The following SFMBT1 variants were observed in gnomAD, a reference collection of about 807,000 sequenced individuals.
SFMBT1 encodes Scm like with four mbt domains 1.
SFMBT1 carries 32 observed loss-of-function variants against 108.7 expected under a neutral mutation model. That is an observed-to-expected ratio of 0.29 (90% confidence interval 0.22 to 0.40). The LOEUF is 0.40. SFMBT1 is among the 10% of genes least tolerant of loss of function. The pLI is 1.00. For synonymous variants in SFMBT1, 348 were observed against 369.5 expected (o/e 0.94, Z 0.67); for missense variants, 816 against 1,059.6 (o/e 0.77, Z 3.19).
intron 3 of SFMBT1, among the ~76,000 whole-genome samples, chr3:52,952,295 G>C (rs931077493): frequency 2.0e-5 from 3 of 152,156 alleles, no homozygotes; most frequent in Non-Finnish European, 4.4e-5. Flanking sequence ...AGCATATAAA[G>C]ACAACAGCTA....
Position 52,998,206 on chromosome 3 carries a change from C to A in SFMBT1, c.-130-28948G>T, listed in dbSNP as rs540998540. ...CAAGACGGGCAGATCACGAGGCCAA[C>A]ACGGAGAAACCCCGTCTCTACTAAA... is the stretch of plus-strand genomic sequence containing the variant. On this transcript the variant is annotated intron_variant, in intron 1 of 20. Coordinates refer to ENST00000394752, the MANE Select transcript of SFMBT1 (RefSeq NM_016329.4). Among the ~76,000 whole-genome samples the A allele has an allele frequency of 7.7e-4, 116 of 149,994 alleles. 5 individuals carry two copies. Among genetic ancestry groups the A allele is most frequent in the African/African-American group, 2.6e-3 (107 of 41,352 alleles).
At chr3:52,909,052 T>G (rs1702151149) in intron 17 of SFMBT1, among the ~76,000 whole-genome samples, 1 of 152,216 alleles carries the variant, frequency 6.6e-6, no homozygotes, top group Non-Finnish European at 1.5e-5. Context: ...TCTAGCTGAG[T>G]TATGTATTAA....
intron 13 of SFMBT1, among the ~76,000 whole-genome samples, chr3:52,916,875 T>TA (rs1702374730): frequency 6.6e-6 from 1 of 152,162 alleles, no homozygotes; most frequent in Admixed American, 6.5e-5. Context: ...AAATCACAAA[T>TA]AAACTACTCA....
chr3:53,035,894 G>A (rs1029536840), intron 1 of SFMBT1, among the ~76,000 whole-genome samples: 2 of 152,198 alleles, frequency 1.3e-5, no homozygotes, highest in African/African-American at 4.8e-5. Context: ...CACCCGGCCA[G>A]AGACGTAAGT....
intron 1 of SFMBT1, among the ~76,000 whole-genome samples, chr3:52,983,363 G>A (rs1342004812): frequency 6.6e-6 from 1 of 152,192 alleles, no homozygotes; most frequent in African/African-American, 2.4e-5. Context: ...TAAAATACGT[G>A]TTGATTGACT....
At chr3:52,917,844 C>G (rs1251729341) in intron 13 of SFMBT1, among the ~76,000 whole-genome samples, 1 of 152,164 alleles carries the variant, frequency 6.6e-6, no homozygotes, top group Non-Finnish European at 1.5e-5. Flanking sequence ...CTGTCTTCCA[C>G]GAAACCGGTC....
intron 1 of SFMBT1, among the ~76,000 whole-genome samples, chr3:53,003,403 A>G (rs1314994962): frequency 6.7e-6 from 1 of 150,100 alleles, no homozygotes; most frequent in Non-Finnish European, 1.5e-5. Flanking sequence ...ATGAAATAAT[A>G]CTTGAGATTT....
At chr3:52,912,719 T>C (rs1022747571) in intron 15 of SFMBT1, 72 bp from the exon 16 acceptor site, 9 of 1,084,834 alleles carry the variant, frequency 8.3e-6, no homozygotes, top group African/African-American at 1.6e-5. Flanking sequence ...TTGTCATCTC[T>C]TCCTTAAAAT....
intron 1 of SFMBT1, among the ~76,000 whole-genome samples, chr3:53,017,566 C>A (rs921935934): frequency 1.3e-5 from 2 of 152,128 alleles, no homozygotes; most frequent in Non-Finnish European, 2.9e-5. Context: ...GTAAAGGAAA[C>A]CTTCCTCCAA....
intron 4 of SFMBT1, among the ~76,000 whole-genome samples, chr3:52,938,385 C>G (rs969338611): frequency 2.0e-4 from 31 of 152,058 alleles, no homozygotes; most frequent in African/African-American, 6.3e-4. Context: ...CCCGTTTACA[C>G]ATATAGTTTC....
At chr3:52,993,369 T>C (rs1470358940) in intron 1 of SFMBT1, among the ~76,000 whole-genome samples, 1 of 150,280 alleles carries the variant, frequency 6.7e-6, no homozygotes, top group Non-Finnish European at 1.5e-5. Context: ...ACTTCAAAAT[T>C]TGACCTATAT....
intron 1 of SFMBT1, among the ~76,000 whole-genome samples, chr3:52,982,622 A>G (rs145409679): frequency 0.039 from 5,813 of 150,792 alleles, 175 homozygotes; most frequent in Middle Eastern, 0.075. Context: ...CCAGCTACTC[A>G]GGAGGCTAAG....
intron 4 of SFMBT1, among the ~76,000 whole-genome samples, chr3:52,942,411 T>C (rs1287295585): frequency 6.6e-6 from 1 of 152,200 alleles, no homozygotes; most frequent in East Asian, 1.9e-4. Context: ...TTGGAAACAC[T>C]TGGCAAAAAG....
At chr3:52,929,429 G>T (rs1702789818) in intron 8 of SFMBT1, among the ~76,000 whole-genome samples, 1 of 152,158 alleles carries the variant, frequency 6.6e-6, no homozygotes, top group Non-Finnish European at 1.5e-5. Context: ...AGTAGAGATG[G>T]GGTTTCTCCA....
chr3:53,014,086 A>C (rs761953607), intron 1 of SFMBT1, among the ~76,000 whole-genome samples: 14 of 152,214 alleles, frequency 9.2e-5, no homozygotes, highest in Non-Finnish European at 1.6e-4. Context: ...AAGAGACTCA[A>C]AGAAGTTATT....
intron 3 of SFMBT1, among the ~76,000 whole-genome samples, chr3:52,947,601 T>C (rs531291794): frequency 1.3e-5 from 2 of 152,318 alleles, no homozygotes; most frequent in Admixed American, 1.3e-4. Flanking sequence ...GCATCAGTTC[T>C]TTGACAGTTG....
chr3:52,950,039 GA>G lies in SFMBT1; in HGVS notation c.123+4277del, dbSNP rs377309958. Among the ~76,000 whole-genome samples the G allele has an allele frequency of 6.5e-3, 992 of 152,130 alleles. 93 individuals are homozygous for G. In the South Asian group the frequency reaches 0.18, roughly 28 times the overall value. On this transcript the variant is annotated intron_variant, in intron 3 of 20. Coordinates refer to ENST00000394752, the MANE Select transcript of SFMBT1 (RefSeq NM_016329.4). ...AACATATAGTTGGGTCATATTTTTT[GA>G]TCCACTCTGATAATCTCCATCTTTT...
chr3:52,964,039 A>G (rs1704051809), intron 2 of SFMBT1, among the ~76,000 whole-genome samples: 1 of 152,066 alleles, frequency 6.6e-6, no homozygotes, highest in African/African-American at 2.4e-5. Context: ...TTTTTTTGAG[A>G]TAGAGTTTCC....
At chr3:52,934,598 TTA>T (rs1702950435) in intron 5 of SFMBT1, among the ~76,000 whole-genome samples, 1 of 152,174 alleles carries the variant, frequency 6.6e-6, no homozygotes. Context: ...ATTAGATTTT[TTA>T]TGTGTTAGCA....
Sources: gnomAD v4.1 joint callset for allele counts (sites outside exome capture counted in the v4.1 genomes callset) on GRCh38, gnomAD v4.1.1 for gene constraint, MANE v1.5 for transcripts, NCBI Gene and HGNC (gene_info 2026-07-23, HGNC 2026-07-21) for gene names.